LAMA4: variants seen among roughly 807,000 people sequenced by gnomAD.
The protein encoded by LAMA4 is laminin subunit alpha-4.
In LAMA4, 127 loss-of-function variants were observed where a neutral mutation model predicts 207.1. That is an observed-to-expected ratio of 0.61 (90% CI 0.53 to 0.71). The LOEUF is 0.71. Among genes scored for constraint, LAMA4 ranks in the 30% least tolerant of loss-of-function variants. The pLI is 0.00. For missense variants in LAMA4, 2,093 were observed against 2,246.5 expected (o/e 0.93, Z 1.38); for synonymous variants, 761 against 816.0 (o/e 0.93, Z 1.15).
At chr6:112,130,066 A>G (rs782651449) in intron 29 of LAMA4, 26 bp from the exon 30 acceptor site, 3 of 1,604,922 alleles carry the variant, frequency 1.9e-6, no homozygotes, top group Non-Finnish European at 2.6e-6. Context: ...GCTTCTTTAC[A>G]TACCACAGAG....
chr6:112,190,947 C>CTTTCCTTCCTTTCTTT (rs1491586717), intron 6 of LAMA4, among the ~76,000 whole-genome samples: 1 of 40,472 alleles, frequency 2.5e-5, no homozygotes, highest in South Asian at 9.5e-4. Flanking sequence ...TTCTTTCTTT[C>CTTTCCTTCCTTTCTTT]CTTTCTTTCT....
At chr6:112,127,236 G>A (rs1286681891) in intron 31 of LAMA4, among the ~76,000 whole-genome samples, 1 of 151,916 alleles carries the variant, frequency 6.6e-6, no homozygotes, top group Non-Finnish European at 1.5e-5. Flanking sequence ...AAGAAAGCAT[G>A]CTAATAAATT....
rs397516715 is a variant in LAMA4, at chr6:112,175,461, G to A, written c.1209C>T (p.Leu403=). The change falls in exon 11 of 39, where the codon CTC becomes CTT. Residue 403 remains leucine, a synonymous_variant. Coordinates refer to ENST00000230538, the MANE Select transcript of LAMA4 (RefSeq NM_001105206.3). ...TAAGTTCATGCTCTTCCCCATAATA[G>A]AGCATCTTGTTGTTGATCTCTGAAA... is the stretch of plus-strand genomic sequence containing the variant. ...DKIQEINNKM[L]YYGEEHELSP... is the part of the protein sequence containing the mutation. 4 of 1,614,136 alleles carry A rather than the reference G, an allele frequency of 2.5e-6. No homozygotes were observed. In the East Asian group the frequency reaches 8.9e-5, roughly 36 times the overall value.
rs150909950 is a variant in LAMA4, at chr6:112,167,368, C to T, written c.1552-2092G>A. Among the ~76,000 whole-genome samples the T allele has an allele frequency of 2.4e-4, 36 of 152,284 alleles. 3 individuals are homozygous for T. The East Asian group carries it at 6.9e-3, about 29-fold the overall frequency. On this transcript the variant is annotated intron_variant, in intron 12 of 38. Coordinates refer to ENST00000230538, the MANE Select transcript of LAMA4 (RefSeq NM_001105206.3). Reference sequence around the variant, plus strand: ...GGTGAGCTAAGATTGTGCCACTGTACTCCAGCCTGGGTGACAGAGTAAGAC... The same window carrying T: ...GGTGAGCTAAGATTGTGCCACTGTATTCCAGCCTGGGTGACAGAGTAAGAC...
chr6:112,130,132 T>G, intron 29 of LAMA4, 92 bp from the exon 30 acceptor site: 1 of 1,046,456 alleles, frequency 9.6e-7, no homozygotes, highest in Non-Finnish European at 1.5e-6. Context: ...CTCATGAAAT[T>G]GAAATGGAAC....
chr6:112,248,932 A>T (rs1234018801), intron 2 of LAMA4, among the ~76,000 whole-genome samples: 2 of 152,222 alleles, frequency 1.3e-5, no homozygotes, highest in African/African-American at 4.8e-5. Context: ...AATGGGTATA[A>T]TTTTCACTAT....
At chr6:112,249,211 G>T (rs1004730641) in intron 2 of LAMA4, among the ~76,000 whole-genome samples, 3 of 152,070 alleles carry the variant, frequency 2.0e-5, no homozygotes, top group Non-Finnish European at 4.4e-5. Flanking sequence ...TTGGGAGGCC[G>T]AGGCGGGTGG....
chr6:112,231,376 A>G (rs1785550227), intron 2 of LAMA4, among the ~76,000 whole-genome samples: 1 of 152,222 alleles, frequency 6.6e-6, no homozygotes, highest in Non-Finnish European at 1.5e-5. Context: ...ACTATCAGAT[A>G]GTCCTCAGAG....
chr6:112,235,681 ATCTT>A (rs1554365785), intron 2 of LAMA4, among the ~76,000 whole-genome samples: 3 of 152,164 alleles, frequency 2.0e-5, no homozygotes, highest in African/African-American at 4.8e-5. Context: ...TTTGAAATAG[ATCTT>A]TCTTTCTTCC....
At chr6:112,166,507 G>C (rs562694500) in intron 12 of LAMA4, 9 of 153,068 alleles carry the variant, frequency 5.9e-5, no homozygotes, top group African/African-American at 2.2e-4. Context: ...ACCTCTCACA[G>C]AACTGTTTTC....
At chr6:112,142,487 GA>G (rs1426236880) in intron 19 of LAMA4, among the ~76,000 whole-genome samples, 195 bp from the exon 20 acceptor site, 1 of 135,132 alleles carries the variant, frequency 7.4e-6, no homozygotes, top group Non-Finnish European at 1.6e-5. Context: ...TGGGGTGAAA[GA>G]AAGCAAAAAA....
chr6:112,150,152 T>C (rs781858740), intron 17 of LAMA4, among the ~76,000 whole-genome samples: 2 of 150,504 alleles, frequency 1.3e-5, no homozygotes, highest in Non-Finnish European at 2.9e-5. Context: ...GGAAGGATGT[T>C]CATAAGAAAG....
chr6:112,244,629 A>G (rs1237852176), intron 2 of LAMA4, among the ~76,000 whole-genome samples: 2 of 152,080 alleles, frequency 1.3e-5, no homozygotes, highest in African/African-American at 2.4e-5. Flanking sequence ...CTGAACTCCA[A>G]TTTGGGGGTT....
intron 31 of LAMA4, among the ~76,000 whole-genome samples, chr6:112,128,167 T>C (rs112254734): frequency 7.7e-4 from 117 of 152,292 alleles, no homozygotes; most frequent in African/African-American, 2.4e-3. Context: ...ATATGTATTA[T>C]TTATACAAAC....
In LAMA4 at chr6:112,150,602, A is replaced by T; in HGVS notation, c.2082T>A (p.Thr694=). The change falls in exon 17 of 39, where the codon ACT becomes ACA. Residue 694 remains threonine, a synonymous_variant. Transcript: ENST00000230538. Reference sequence around the variant, plus strand: ...CTAGGGCTCCACCCACACGCCTGCTAGTGTCAGCCACTGCTTCATCACTGC... The same window carrying T: ...CTAGGGCTCCACCCACACGCCTGCTTGTGTCAGCCACTGCTTCATCACTGC... ...ESSSDEAVAD[T]SRRVGGALAR... The T allele has an allele frequency of 6.2e-7, 1 of 1,613,988 alleles. No homozygotes were observed. Among genetic ancestry groups the T allele is most frequent in the Non-Finnish European group, 8.5e-7 (1 of 1,179,840 alleles).
chr6:112,142,443 G>A (rs2114709487), intron 19 of LAMA4, 151 bp from the exon 20 acceptor site: 1 of 768,586 alleles, frequency 1.3e-6, no homozygotes, highest in Non-Finnish European at 2.3e-6. Flanking sequence ...TTGAAGAGAA[G>A]ACTTAGGGCA....
intron 3 of LAMA4, among the ~76,000 whole-genome samples, chr6:112,210,084 G>C (rs1354531340): frequency 1.3e-5 from 2 of 151,760 alleles, no homozygotes; most frequent in African/African-American, 4.8e-5. Flanking sequence ...CTTCCCCTTT[G>C]TCTTCCATCA....
chr6:112,188,385 A>G (rs1330545815), intron 7 of LAMA4, among the ~76,000 whole-genome samples: 1 of 152,160 alleles, frequency 6.6e-6, no homozygotes, highest in African/African-American at 2.4e-5. Flanking sequence ...GGCCTTGTCT[A>G]GGGGCCACCT....
chr6:112,145,306 G>T (rs1779955634), intron 18 of LAMA4, among the ~76,000 whole-genome samples: 1 of 152,372 alleles, frequency 6.6e-6, no homozygotes, highest in South Asian at 2.1e-4. Context: ...TGCCAAGGCC[G>T]CCTGTCTTGC....
Sources: gnomAD v4.1 joint callset for allele counts (sites outside exome capture counted in the v4.1 genomes callset) on GRCh38, gnomAD v4.1.1 for gene constraint, MANE v1.5 for transcripts, NCBI Gene and HGNC (gene_info 2026-07-23, HGNC 2026-07-21) for gene names.